Variants in PTK2 observed in about 807,000 individuals in gnomAD.
PTK2 encodes the protein focal adhesion kinase 1.
PTK2 carries 45 observed loss-of-function variants against 150.1 expected under a neutral mutation model. The observed-to-expected ratio is 0.30, with a 90% CI of 0.24 to 0.38. The LOEUF is 0.38. PTK2 is among the 10% of genes least tolerant of loss of function. PTK2 has a pLI of 1.00. For missense variants in PTK2, 919 were observed against 1,307.3 expected (o/e 0.70, Z 4.58); for synonymous variants, 432 against 449.2 (o/e 0.96, Z 0.48).
intron 16 of PTK2, among the ~76,000 whole-genome samples, chr8:140,752,995 AG>A (rs1398081519): frequency 6.6e-6 from 1 of 152,234 alleles, no homozygotes; most frequent in African/African-American, 2.4e-5. Flanking sequence ...GCCAATAGAA[AG>A]ATGCGACTTT....
intron 5 of PTK2, among the ~76,000 whole-genome samples, chr8:140,852,322 T>C (rs1037449715): frequency 6.6e-6 from 1 of 152,218 alleles, no homozygotes; most frequent in Non-Finnish European, 1.5e-5. Context: ...TGGGACAGCA[T>C]GTGACTAATA....
intron 1 of PTK2, among the ~76,000 whole-genome samples, chr8:140,972,567 A>T (rs1450292558): frequency 1.3e-5 from 2 of 152,148 alleles, no homozygotes; most frequent in African/African-American, 2.4e-5. Context: ...GCCCAGCCTC[A>T]ATTACTGTTT....
intron 10 of PTK2, among the ~76,000 whole-genome samples, chr8:140,812,550 G>A (rs2100102220): frequency 6.6e-6 from 1 of 152,108 alleles, no homozygotes; most frequent in Non-Finnish European, 1.5e-5. Flanking sequence ...TACTAACCTT[G>A]AATGTTAATG....
intron 26 of PTK2, among the ~76,000 whole-genome samples, chr8:140,689,737 G>C (rs1564422796): frequency 6.6e-6 from 1 of 152,166 alleles, no homozygotes; most frequent in East Asian, 1.9e-4. Flanking sequence ...TTAACAACTG[G>C]AGACTCTAGG....
intron 2 of PTK2, among the ~76,000 whole-genome samples, chr8:140,920,445 C>T (rs1028573637): frequency 3.1e-4 from 47 of 152,024 alleles, no homozygotes; most frequent in African/African-American, 1.1e-3. Context: ...TAAGAAAATA[C>T]ATGTTACTCT....
intron 1 of PTK2, among the ~76,000 whole-genome samples, chr8:140,989,795 C>A (rs1248644639): frequency 6.6e-6 from 1 of 151,786 alleles, no homozygotes; most frequent in African/African-American, 2.4e-5. Flanking sequence ...GTAATCCCAG[C>A]TACTCAGGAG....
At chr8:140,670,488 AACAC>A (rs57247522) in intron 29 of PTK2, among the ~76,000 whole-genome samples, 4,867 of 38,904 alleles carry the variant, frequency 0.13, 645 homozygotes, top group Non-Finnish European at 0.17. Context: ...AAAAAACAAC[AACAC>A]ACACACACAC....
At chr8:140,924,298 C>T (rs991810366) in intron 2 of PTK2, among the ~76,000 whole-genome samples, 8 of 152,202 alleles carry the variant, frequency 5.3e-5, no homozygotes, top group Non-Finnish European at 1.0e-4. Flanking sequence ...CTGTCTGAAA[C>T]TGCATGGCCC....
At chr8:140,919,556 T>G (rs990077065) in intron 2 of PTK2, among the ~76,000 whole-genome samples, 1 of 152,138 alleles carries the variant, frequency 6.6e-6, no homozygotes, top group Non-Finnish European at 1.5e-5. Context: ...GCTAACACAA[T>G]GTTATCATAC....
chr8:140,883,048 T>C (rs1168221047), intron 3 of PTK2, among the ~76,000 whole-genome samples: 3 of 152,222 alleles, frequency 2.0e-5, no homozygotes, highest in East Asian at 1.9e-4. Context: ...GGCTATACTT[T>C]TGTTCATTTC....
intron 30 of PTK2, among the ~76,000 whole-genome samples, chr8:140,667,047 T>A (rs904058355): frequency 6.6e-6 from 1 of 152,174 alleles, no homozygotes; most frequent in Non-Finnish European, 1.5e-5. Context: ...ATTCCACTTA[T>A]AAGCGGTACC....
intron 2 of PTK2, among the ~76,000 whole-genome samples, chr8:140,919,564 T>A (rs2100166616): frequency 6.6e-6 from 1 of 152,120 alleles, no homozygotes; most frequent in African/African-American, 2.4e-5. Context: ...AATGTTATCA[T>A]ACAATGGAGG....
intron 14 of PTK2, among the ~76,000 whole-genome samples, chr8:140,768,723 G>A (rs2100073842): frequency 6.6e-6 from 1 of 152,182 alleles, no homozygotes; most frequent in African/African-American, 2.4e-5. Context: ...AGCTCTAGAT[G>A]AATTGCAGCT....
intron 30 of PTK2, 66 bp from the exon 35 acceptor site, chr8:140,665,063 A>G: frequency 7.1e-7 from 1 of 1,398,732 alleles, no homozygotes; most frequent in Non-Finnish European, 9.9e-7. Context: ...TTTCAGTTAT[A>G]TATTTTTTTA....
intron 1 of PTK2, among the ~76,000 whole-genome samples, chr8:140,952,583 G>T (rs2100179871): frequency 6.6e-6 from 1 of 152,124 alleles, no homozygotes; most frequent in Non-Finnish European, 1.5e-5. Context: ...AATAATCCTA[G>T]GCCCATACTC....
chr8:140,671,208 A>AT (rs754765910), intron 29 of PTK2, among the ~76,000 whole-genome samples: 1 of 152,248 alleles, frequency 6.6e-6, no homozygotes, highest in Non-Finnish European at 1.5e-5. Context: ...TTAGTTATAC[A>AT]TAAAAGTAAA....
intron 1 of PTK2, among the ~76,000 whole-genome samples, chr8:140,927,696 C>A (rs1284959250): frequency 1.3e-5 from 2 of 151,928 alleles, no homozygotes. Flanking sequence ...TGGCTCATGC[C>A]TGTAATCCCA....
chr8:140,989,904 T>C (rs2100195025), intron 1 of PTK2, among the ~76,000 whole-genome samples: 1 of 76,768 alleles, frequency 1.3e-5, no homozygotes, highest in Non-Finnish European at 3.7e-5. Context: ...GCAAAACTCT[T>C]TGTCTCAAAA....
chr8:140,820,338 A>T (rs7001489), intron 8 of PTK2, among the ~76,000 whole-genome samples: 87,531 of 150,674 alleles, frequency 0.58, 27,026 homozygotes, highest in African/African-American at 0.79. Context: ...TGACCTCAAG[A>T]GATCCACCCG....
Sources: allele counts gnomAD v4.1 joint callset (sites outside exome capture counted in the v4.1 genomes callset), GRCh38; gene constraint gnomAD v4.1.1; transcripts MANE v1.5; gene names NCBI Gene and HGNC (gene_info 2026-07-23, HGNC 2026-07-21).